Variants in WDR17 observed in about 807,000 individuals in gnomAD.
WDR17 encodes WD repeat-containing protein 17.
In WDR17, 143 loss-of-function variants were observed where a neutral mutation model predicts 161.7. The ratio of observed to expected loss-of-function variants is 0.88; its 90% CI spans 0.77 to 1.02. The LOEUF (loss-of-function observed/expected upper bound fraction) is 1.02, where lower values mean the gene tolerates loss of function less well. Among genes scored for constraint, WDR17 ranks in the 50% least tolerant of loss-of-function variants. WDR17 has a pLI of 0.00. For missense variants in WDR17, 1,469 were observed against 1,520.9 expected, an observed-to-expected ratio of 0.97 and a Z score of 0.57; for synonymous variants, 517 against 515.6, an observed-to-expected ratio of 1.00 and a Z score of -0.04.
chr4:176,099,539 G>T (rs1339942320), intron 1 of WDR17, among the ~76,000 whole-genome samples: 2 of 152,072 alleles, frequency 1.3e-5, no homozygotes, highest in Admixed American at 1.3e-4. Context: ...GAGGGGAAAA[G>T]AAACCACTTA....
intron 3 of WDR17, among the ~76,000 whole-genome samples, chr4:176,117,207 T>C (rs923442260): frequency 6.6e-6 from 1 of 152,046 alleles, no homozygotes; most frequent in Non-Finnish European, 1.5e-5. Context: ...TAAATTGTGA[T>C]TGATGGCCTC....
chr4:176,131,829 T>G, intron 7 of WDR17, 91 bp downstream of exon 7: 1 of 1,069,890 alleles, frequency 9.3e-7, no homozygotes, highest in South Asian at 2.8e-5. Flanking sequence ...TTATTTGAAA[T>G]TATTTTTGTA....
intron 1 of WDR17, among the ~76,000 whole-genome samples, chr4:176,096,149 G>C (rs548741896): frequency 2.0e-5 from 3 of 151,966 alleles, no homozygotes; most frequent in Non-Finnish European, 4.4e-5. Flanking sequence ...TGCCCATTTT[G>C]TGATTTTTAT....
chr4:176,137,576 GT>G lies in WDR17; in HGVS notation c.1326del (p.Gln443LysfsTer30). 1.9e-6 allele frequency: 3 copies of G among 1,597,700 alleles called. No homozygotes were observed. The highest frequency in any genetic ancestry group is 2.6e-6 in the Non-Finnish European group (3 of 1,169,910). On this transcript the variant is annotated frameshift_variant, in exon 9 of 29. Transcript: ENST00000508596. LOFTEE classifies it high-confidence loss of function. ...CCGAAATGGTGCTTTTATTTGGAAT[GT>G]TCAAAAGGGCAAAATTATACAACGA... The part of the protein sequence containing the change: ...TSRNGAFIWN[V>X]QKGKIIQRFN...
chr4:176,166,244 A>G, intron 22 of WDR17: 1 of 361,776 alleles, frequency 2.8e-6, no homozygotes. Context: ...ATATTTATCA[A>G]CTATTTTCAC....
At chr4:176,161,502 T>C (rs1289230661) in intron 20 of WDR17, among the ~76,000 whole-genome samples, 6 of 152,088 alleles carry the variant, frequency 3.9e-5, no homozygotes, top group African/African-American at 1.4e-4. Context: ...CCTTCTAACC[T>C]TTTTTTAATC....
intron 1 of WDR17, among the ~76,000 whole-genome samples, chr4:176,097,300 C>A (rs555264475): frequency 4.6e-5 from 7 of 151,906 alleles, no homozygotes; most frequent in East Asian, 1.9e-4. Context: ...GACAAAAAAA[C>A]CAGACTATGT....
At chr4:176,129,393 C>T (rs1043447628) in intron 6 of WDR17, among the ~76,000 whole-genome samples, 4 of 151,870 alleles carry the variant, frequency 2.6e-5, no homozygotes, top group East Asian at 1.9e-4. Flanking sequence ...CTGTATCATT[C>T]GTTGCCTCTG....
intron 1 of WDR17, among the ~76,000 whole-genome samples, chr4:176,081,473 G>A (rs1284253185): frequency 1.3e-5 from 2 of 151,646 alleles, no homozygotes; most frequent in African/African-American, 4.8e-5. Context: ...TTTTCTTTCT[G>A]TTCCTCCAAA....
chr4:176,105,579 G>T lies in WDR17; in HGVS notation c.-6-5996G>T, dbSNP rs192334334. 1.7e-4 allele frequency among the ~76,000 whole-genome samples: 26 copies of T among 152,142 alleles called. No individual in the cohort carries two copies. In the East Asian group the frequency reaches 2.3e-3, roughly 14 times the overall value. On this transcript the variant is annotated intron_variant, in intron 1 of 28. Coordinates refer to ENST00000508596, the MANE Select transcript of WDR17 (RefSeq NM_181265.4). ...TAACAGAAAGAAAACTGAAAAATTC[G>T]CAAATTTGTGGAACTTAACACACTC... is the stretch of plus-strand genomic sequence containing the variant.
Position 176,155,545 on chromosome 4 carries a change from GTTTT to G in WDR17, c.2461-521_2461-518del, listed in dbSNP as rs869207103. Among the ~76,000 whole-genome samples the G allele has an allele frequency of 2.6e-3, 270 of 105,236 alleles. 4 individuals are homozygous for G. Among genetic ancestry groups the G allele is most frequent in the African/African-American group, 9.8e-3 (252 of 25,656 alleles). The allele number at this position is 105,236 out of a possible 152,430, so 69.0% of individuals were successfully genotyped here. On this transcript the variant is annotated intron_variant, in intron 17 of 28. Transcript: ENST00000508596. ...TTTGTTTTTTTGTTTATTTGTTTGTGTTTTTTTTTTTTTTTTGGAGACGAAGTCT... is the reference window on the plus strand; with the variant it reads ...TTTGTTTTTTTGTTTATTTGTTTGTGTTTTTTTTTTTTGGAGACGAAGTCT...
intron 11 of WDR17, among the ~76,000 whole-genome samples, chr4:176,145,070 C>T (rs1265628285): frequency 6.6e-6 from 1 of 152,122 alleles, no homozygotes; most frequent in Admixed American, 6.5e-5. Context: ...AGTATTATAA[C>T]CCATGTGACA....
Position 176,172,433 on chromosome 4 carries a change from A to T in WDR17, c.3161A>T (p.Asp1054Val). 1 of 1,612,642 alleles carries T rather than the reference A, an allele frequency of 6.2e-7. No homozygotes were observed. Among genetic ancestry groups the T allele is most frequent in the Non-Finnish European group, 8.5e-7 (1 of 1,179,628 alleles). ...TTAGCTGAGACAGCCCGTGCAGATG[A>T]CAATATATTTGAAACTGTAAAATAT... ...MQLAETARADDNIFETVKYYL... is the reference protein window; with the variant it reads ...MQLAETARADVNIFETVKYYL... Residue 1054 changes from aspartate (D) to valine (V), a missense_variant, in exon 24 of 29, where the codon GAC (aspartate) becomes GTC (valine). By Grantham distance (152) the Asp-to-Val change is radical. Transcript: ENST00000508596.
At chr4:176,160,611 C>A (rs1299351266) in intron 19 of WDR17, among the ~76,000 whole-genome samples, 2 of 152,198 alleles carry the variant, frequency 1.3e-5, no homozygotes, top group Admixed American at 1.3e-4. Context: ...CATGAGCCAC[C>A]ACACACAGCC....
At chr4:176,161,799 T>C (rs552599020) in intron 20 of WDR17, among the ~76,000 whole-genome samples, 16 of 152,322 alleles carry the variant, frequency 1.1e-4, no homozygotes, top group Middle Eastern at 3.4e-3. Context: ...ACTTCCCCTG[T>C]GGCTGAATCA....
At chr4:176,106,577 G>A (rs1399463410) in intron 1 of WDR17, among the ~76,000 whole-genome samples, 1 of 152,064 alleles carries the variant, frequency 6.6e-6, no homozygotes, top group East Asian at 1.9e-4. Flanking sequence ...GCAATATCTG[G>A]GATATGATAA....
At chr4:176,170,902 G>A (rs1035686671) in intron 23 of WDR17, among the ~76,000 whole-genome samples, 6 of 152,190 alleles carry the variant, frequency 3.9e-5, no homozygotes, top group African/African-American at 9.6e-5. Flanking sequence ...AATATTCTAC[G>A]TCAAAAATAC....
chr4:176,148,922 C>A (rs906063357), intron 13 of WDR17, among the ~76,000 whole-genome samples: 1 of 152,080 alleles, frequency 6.6e-6, no homozygotes, highest in African/African-American at 2.4e-5. Context: ...AGTAAATGGG[C>A]AGATTAAGAA....
intron 22 of WDR17, among the ~76,000 whole-genome samples, chr4:176,167,988 A>G (rs1460506145): frequency 1.3e-5 from 2 of 151,698 alleles, no homozygotes; most frequent in Non-Finnish European, 2.9e-5. Context: ...CTCTACTAAA[A>G]ATACAAAAAT....
Sources: allele counts gnomAD v4.1 joint callset (sites outside exome capture counted in the v4.1 genomes callset), GRCh38; gene constraint gnomAD v4.1.1; transcripts MANE v1.5; gene names NCBI Gene and HGNC (gene_info 2026-07-23, HGNC 2026-07-21).